The following CATSPERB variants were observed in gnomAD, a reference collection of about 807,000 sequenced individuals.
The protein encoded by CATSPERB is cation channel sperm-associated auxiliary subunit beta.
CATSPERB carries 93 observed loss-of-function variants against 128.3 expected under a neutral mutation model. That is an observed-to-expected ratio of 0.72 (90% confidence interval 0.61 to 0.86). The LOEUF is 0.86. Among genes scored for constraint, CATSPERB ranks in the 40% least tolerant of loss-of-function variants. The pLI, the probability that CATSPERB is intolerant of heterozygous loss-of-function variation, is 0.00. For missense variants in CATSPERB, 1,153 were observed against 1,329.5 expected (o/e 0.87, Z 2.06); for synonymous variants, 381 against 448.8 (o/e 0.85, Z 1.91).
rs371790238 is a variant in CATSPERB at position 91,707,790 on chromosome 14, AG to A, written c.466+350del. Among the ~76,000 whole-genome samples, 769 of 145,044 alleles carry A rather than the reference AG, an allele frequency of 5.3e-3. 6 individuals are homozygous for A. The Middle Eastern group carries it at 0.056, about 10-fold the overall frequency. On this transcript the variant is annotated intron_variant, in intron 6 of 26. Coordinates refer to ENST00000256343, the MANE Select transcript of CATSPERB (RefSeq NM_024764.4). ...ACTTTTTTTTTTTTTTTTTTTAAGTAGAGATGGAGTTTCACCATGTTGGCCA... is the reference window on the plus strand; with the variant it reads ...ACTTTTTTTTTTTTTTTTTTTAAGTAAGATGGAGTTTCACCATGTTGGCCA...
At chr14:91,681,886 C>T (rs1895287376) in intron 11 of CATSPERB, among the ~76,000 whole-genome samples, 1 of 152,192 alleles carries the variant, frequency 6.6e-6, no homozygotes, top group Non-Finnish European at 1.5e-5. Flanking sequence ...GACAACCAGC[C>T]TGCCTGTTCA....
intron 18 of CATSPERB, among the ~76,000 whole-genome samples, chr14:91,622,394 A>G (rs1441275816): frequency 6.6e-6 from 1 of 152,204 alleles, no homozygotes; most frequent in African/African-American, 2.4e-5. Context: ...GAATATGAAG[A>G]TTTAGAAGAA....
At position 91,620,103 on chromosome 14, in the gene CATSPERB, ATGTGAATGCAGAATTCAGTCT is replaced by A. The variant is rs541635131; in HGVS notation, c.2260+1484_2260+1504del. ...ATTATTTCTCAGCGTGGAATTCTGC[ATGTGAATGCAGAATTCAGTCT>A]CTGAATGTGATACAGTCTTGAAGTT... On this transcript the variant is annotated intron_variant, in intron 19 of 26. Coordinates refer to ENST00000256343, the MANE Select transcript of CATSPERB (RefSeq NM_024764.4). 6.0e-4 allele frequency among the ~76,000 whole-genome samples: 92 copies of A among 152,170 alleles called. 1 individual carries two copies. Among genetic ancestry groups the A allele is most frequent in the African/African-American group, 2.1e-3 (89 of 41,520 alleles).
intron 9 of CATSPERB, 38 bp from the exon 10 acceptor site, chr14:91,691,593 A>G (rs778138263): frequency 6.6e-7 from 1 of 1,524,116 alleles, no homozygotes; most frequent in African/African-American, 1.4e-5. Flanking sequence ...TTGCTTGCAT[A>G]TCAGAAGGCC....
At chr14:91,598,857 C>CAAAAAAAA (rs377460093) in intron 22 of CATSPERB, among the ~76,000 whole-genome samples, 1 of 110,064 alleles carries the variant, frequency 9.1e-6, no homozygotes, top group Admixed American at 1.1e-4. Flanking sequence ...GACTCTGTCT[C>CAAAAAAAA]AAAAAAAAAA....
chr14:91,601,714 T>C (rs376046783), intron 22 of CATSPERB, among the ~76,000 whole-genome samples: 33 of 152,268 alleles, frequency 2.2e-4, no homozygotes, highest in African/African-American at 7.7e-4. Flanking sequence ...ATACATAATA[T>C]GAATTTCCTT....
intron 14 of CATSPERB, 86 bp from the exon 15 acceptor site, chr14:91,660,067 T>G: frequency 8.4e-7 from 1 of 1,191,136 alleles, no homozygotes. Context: ...AGAATAGCCA[T>G]GTGGCATGAT....
intron 5 of CATSPERB, among the ~76,000 whole-genome samples, chr14:91,716,728 C>G (rs1421837641): frequency 6.6e-6 from 1 of 151,768 alleles, no homozygotes; most frequent in East Asian, 1.9e-4. Flanking sequence ...CACACACACA[C>G]ACACACACAC....
In CATSPERB at chr14:91,674,205, TAACTGTAACATAATC is replaced by T; in HGVS notation, c.934_948del (p.Asp312_Val316del). ...CTTAGGGTTCTGTTTCTCTCAAAGG[TAACTGTAACATAATC>T]AACTGTGAAATAAATACAAGGGTAC... is the stretch of plus-strand genomic sequence containing the variant. On this transcript the variant is annotated inframe_deletion and splice_region_variant, in exon 12 of 27. Coordinates refer to ENST00000256343, the MANE Select transcript of CATSPERB (RefSeq NM_024764.4). 6.5e-7 allele frequency: 1 copy of T among 1,541,464 alleles called. No individual in the cohort carries two copies. Among genetic ancestry groups the T allele is most frequent in the South Asian group, 1.2e-5 (1 of 86,310 alleles).
Position 91,608,367 on chromosome 14 carries a change from A to G in CATSPERB, c.2636T>C (p.Ile879Thr), listed in dbSNP as rs768482392. 3 of 1,610,998 alleles carry G rather than the reference A, an allele frequency of 1.9e-6. No individual in the cohort carries two copies. The highest frequency in any genetic ancestry group is 1.1e-5 in the South Asian group (1 of 90,914). ...ATGATAAAAATTATCTGTGAGTGGAATAGCAATTCCCATATTAGATGGAGG... is the reference window on the plus strand; with the variant it reads ...ATGATAAAAATTATCTGTGAGTGGAGTAGCAATTCCCATATTAGATGGAGG... Reference protein sequence around the residue: ...YRPPSNMGIAIPLTDNFYHAD... With the variant: ...YRPPSNMGIATPLTDNFYHAD... Residue 879 changes from isoleucine (I) to threonine (T), a missense_variant, in exon 22 of 27, where the codon ATT (isoleucine) becomes ACT (threonine). Coordinates refer to ENST00000256343, the MANE Select transcript of CATSPERB (RefSeq NM_024764.4).
intron 14 of CATSPERB, among the ~76,000 whole-genome samples, chr14:91,662,888 T>C (rs151324152): frequency 7.2e-4 from 109 of 152,374 alleles, no homozygotes; most frequent in African/African-American, 2.4e-3. Context: ...TATTAGGTTG[T>C]CTTTTTCATA....
intron 26 of CATSPERB, 150 bp downstream of exon 26, chr14:91,587,052 G>A (rs750236521): frequency 4.7e-5 from 28 of 593,668 alleles, no homozygotes; most frequent in Non-Finnish European, 7.6e-5. Context: ...CTACTGACAG[G>A]GTCAATGCTA....
intron 14 of CATSPERB, among the ~76,000 whole-genome samples, chr14:91,663,876 T>A (rs1022823427): frequency 2.6e-5 from 4 of 151,966 alleles, no homozygotes; most frequent in African/African-American, 9.7e-5. Flanking sequence ...AGTGGAAGAG[T>A]TCCCCCGCAC....
intron 11 of CATSPERB, among the ~76,000 whole-genome samples, chr14:91,682,886 C>T (rs570274852): frequency 6.6e-6 from 1 of 152,320 alleles, no homozygotes; most frequent in East Asian, 1.9e-4. Context: ...CCTTACAAAA[C>T]TATATGGCTG....
At position 91,615,169 on chromosome 14, in the gene CATSPERB, G is replaced by A. The variant is rs1893912071; in HGVS notation, c.2400+2428C>T. ...AACCTGGCCTTACAGCAGGACAGCA[G>A]GAGGTGAGTGGCAGAGAAGCATGTA... On this transcript the variant is annotated intron_variant, in intron 20 of 26. Coordinates refer to ENST00000256343, the MANE Select transcript of CATSPERB (RefSeq NM_024764.4). Among the ~76,000 whole-genome samples, 7 of 152,274 alleles carry A rather than the reference G, an allele frequency of 4.6e-5. No homozygotes were observed. In the South Asian group the frequency reaches 1.4e-3, roughly 32 times the overall value.
At chr14:91,596,272 C>T (rs775220201) in intron 22 of CATSPERB, among the ~76,000 whole-genome samples, 1 of 152,006 alleles carries the variant, frequency 6.6e-6, no homozygotes, top group South Asian at 2.1e-4. Context: ...GGCACAATCT[C>T]GGCTCACTAC....
At chr14:91,645,707 A>G (rs758886826) in intron 15 of CATSPERB, among the ~76,000 whole-genome samples, 1 of 134,622 alleles carries the variant, frequency 7.4e-6, no homozygotes, top group African/African-American at 2.8e-5. Flanking sequence ...AGAGGCAGGC[A>G]GACCTCCTTG....
At chr14:91,727,524 C>T (rs1251359976) in intron 2 of CATSPERB, among the ~76,000 whole-genome samples, 3 of 152,096 alleles carry the variant, frequency 2.0e-5, no homozygotes, top group Non-Finnish European at 4.4e-5. Context: ...CACAAATATG[C>T]AAAATATACA....
intron 5 of CATSPERB, among the ~76,000 whole-genome samples, chr14:91,710,821 A>T (rs1433265803): frequency 6.6e-6 from 1 of 152,112 alleles, no homozygotes; most frequent in Middle Eastern, 3.2e-3. Flanking sequence ...CTTCCATTAA[A>T]CTAGTAACTT....
Sources: allele counts gnomAD v4.1 joint callset (sites outside exome capture counted in the v4.1 genomes callset), GRCh38; gene constraint gnomAD v4.1.1; transcripts MANE v1.5; gene names NCBI Gene and HGNC (gene_info 2026-07-23, HGNC 2026-07-21).